The following OPCML variants were observed in gnomAD, a reference collection of about 807,000 sequenced individuals.
OPCML encodes the protein opioid binding protein/cell adhesion molecule like.
Under a neutral mutation model 37.8 loss-of-function variants are expected in OPCML, and 13 were observed. The observed-to-expected ratio is 0.34, with a 90% CI of 0.22 to 0.55. OPCML has a LOEUF of 0.55. OPCML is among the 20% of genes least tolerant of loss of function. The pLI, the probability that OPCML is intolerant of heterozygous loss-of-function variation, is 0.91. For missense variants in OPCML, 341 were observed against 435.6 expected (o/e 0.78, Z 1.93); for synonymous variants, 176 against 168.8 (o/e 1.04, Z -0.33).
At chr11:133,311,343 C>T (rs1429165863) in intron 1 of OPCML, among the ~76,000 whole-genome samples, 2 of 152,158 alleles carry the variant, frequency 1.3e-5, no homozygotes, top group African/African-American at 4.8e-5. Context: ...CACACTTATT[C>T]TTCTTGTTAT....
rs1170361268 is a variant in OPCML at position 132,436,939 on chromosome 11, A to AC, written c.644-161_644-160insG. 3.0e-6 allele frequency: 3 copies of AC among 983,706 alleles called. No homozygotes were observed. The African/African-American group carries it at 5.2e-5, about 17-fold the overall frequency. The allele number at this position is 983,706 out of a possible 1,614,324, so 60.9% of individuals were successfully genotyped here. A position where few individuals can be genotyped will look rare whatever the true frequency, so the allele number is the denominator to read the frequency against. On this transcript the variant is annotated intron_variant, in intron 5 of 7. Transcript: ENST00000524381. ...TAAAATAATCATTTATTTCAGGAAAAATAAGCTGCTTGAAGATACTGCATT... is the reference window on the plus strand; with the variant it reads ...TAAAATAATCATTTATTTCAGGAAAACATAAGCTGCTTGAAGATACTGCATT...
chr11:132,529,257 A>G, intron 3 of OPCML, 71 bp from the exon 4 acceptor site: 2 of 1,506,462 alleles, frequency 1.3e-6, no homozygotes, highest in Non-Finnish European at 1.8e-6. Flanking sequence ...GTTAGCCTAC[A>G]AATTTTTGTA....
At chr11:133,446,756 G>A (rs916854172) in intron 1 of OPCML, among the ~76,000 whole-genome samples, 2 of 152,080 alleles carry the variant, frequency 1.3e-5, no homozygotes, top group African/African-American at 2.4e-5. Context: ...CTATAGATTT[G>A]CCTTTTCTGG....
In OPCML at chr11:132,554,546, G is replaced by C. The variant is rs1489568176; in HGVS notation, c.380-25360C>G. Among the ~76,000 whole-genome samples the C allele has an allele frequency of 2.6e-5, 4 of 152,184 alleles. No homozygotes were observed. In the East Asian group the frequency reaches 5.8e-4, roughly 22 times the overall value. The stretch of plus-strand genomic sequence containing the variant: ...CCATGACTGGTCACAAAACAAGTTG[G>C]CCTGGATGAGCTTTGCTGAGGACAG... On this transcript the variant is annotated intron_variant, in intron 3 of 7. Coordinates refer to ENST00000524381, the MANE Select transcript of OPCML (RefSeq NM_001012393.5).
intron 1 of OPCML, among the ~76,000 whole-genome samples, chr11:133,499,880 T>A (rs1182538884): frequency 1.4e-3 from 196 of 141,614 alleles, no homozygotes; most frequent in African/African-American, 5.2e-3. Context: ...ATATATTTTT[T>A]TTTTTTTTTG....
intron 1 of OPCML, among the ~76,000 whole-genome samples, chr11:133,215,543 T>C (rs548251061): frequency 2.0e-5 from 3 of 152,332 alleles, no homozygotes; most frequent in African/African-American, 7.2e-5. Context: ...CTCTGCGACA[T>C]GTTTTTATAC....
Position 132,485,934 on chromosome 11 carries a change from A to G in OPCML, c.505+43127T>C, listed in dbSNP as rs542025447. 7.9e-5 allele frequency among the ~76,000 whole-genome samples: 12 copies of G among 152,298 alleles called. No homozygotes were observed. In the South Asian group the frequency reaches 2.5e-3, roughly 32 times the overall value. On this transcript the variant is annotated intron_variant, in intron 4 of 7. Transcript: ENST00000524381. The stretch of plus-strand genomic sequence containing the variant: ...GAGTGGAATTGCAGTGCCACAGTAT[A>G]GGTGTGTGGCTAGCCTCTGAAGAAA...
chr11:133,251,282 A>G (rs1018665907), intron 1 of OPCML, among the ~76,000 whole-genome samples: 1 of 152,082 alleles, frequency 6.6e-6, no homozygotes, highest in African/African-American at 2.4e-5. Flanking sequence ...TATAGAACAG[A>G]AAAAAAGGAT....
At chr11:133,176,652 T>C (rs139070756) in intron 1 of OPCML, among the ~76,000 whole-genome samples, 2 of 152,250 alleles carry the variant, frequency 1.3e-5, no homozygotes, top group Non-Finnish European at 2.9e-5. Context: ...CCACTTCACC[T>C]TCTGCTAAGA....
chr11:132,770,413 G>A (rs900596074), intron 2 of OPCML, among the ~76,000 whole-genome samples: 2 of 152,074 alleles, frequency 1.3e-5, no homozygotes, highest in African/African-American at 2.4e-5. Flanking sequence ...AGACACGGAG[G>A]GAGGGAAAAA....
intron 1 of OPCML, among the ~76,000 whole-genome samples, chr11:133,395,138 C>T (rs942113936): frequency 6.6e-6 from 1 of 152,118 alleles, no homozygotes; most frequent in African/African-American, 2.4e-5. Flanking sequence ...GGTTGAGCAC[C>T]TTTTCATATG....
chr11:132,769,161 T>C (rs1946555353), intron 2 of OPCML, among the ~76,000 whole-genome samples: 1 of 151,876 alleles, frequency 6.6e-6, no homozygotes, highest in South Asian at 2.1e-4. Flanking sequence ...TTGCCCATTG[T>C]GTTATTAGGG....
intron 1 of OPCML, among the ~76,000 whole-genome samples, chr11:133,262,190 A>G (rs1941516494): frequency 6.6e-6 from 1 of 152,142 alleles, no homozygotes; most frequent in African/African-American, 2.4e-5. Context: ...ATTATCTCAC[A>G]TATTTGACGT....
intron 2 of OPCML, among the ~76,000 whole-genome samples, chr11:132,775,478 C>G (rs2001903): frequency 2.0e-5 from 3 of 151,964 alleles, no homozygotes; most frequent in African/African-American, 7.3e-5. Context: ...AACACACACA[C>G]ACCAACTCAC....
chr11:132,916,409 T>C (rs1056175274), intron 2 of OPCML, among the ~76,000 whole-genome samples: 1 of 152,204 alleles, frequency 6.6e-6, no homozygotes. Flanking sequence ...GCAAGCCTTC[T>C]ACTGTGGATG....
chr11:133,014,882 T>A (rs1165609834), intron 1 of OPCML, among the ~76,000 whole-genome samples: 4 of 152,240 alleles, frequency 2.6e-5, no homozygotes, highest in Non-Finnish European at 2.9e-5. Context: ...CCGTATTTTC[T>A]ATTAAGAGAA....
chr11:133,345,248 T>A (rs1047375876), intron 1 of OPCML, among the ~76,000 whole-genome samples: 2 of 152,224 alleles, frequency 1.3e-5, no homozygotes, highest in African/African-American at 4.8e-5. Context: ...TATGGGAAAG[T>A]ATTCCCACTA....
chr11:132,468,442 G>A (rs1029041387), intron 4 of OPCML, among the ~76,000 whole-genome samples: 3 of 152,110 alleles, frequency 2.0e-5, no homozygotes, highest in Non-Finnish European at 4.4e-5. Context: ...GATTGTAGAG[G>A]TTTGTGATCT....
At chr11:133,118,354 G>A in intron 1 of OPCML, 4 of 985,380 alleles carry the variant, frequency 4.1e-6, no homozygotes, top group Non-Finnish European at 3.6e-6. Flanking sequence ...GGACATGCCG[G>A]TTGTTTAACG....
Sources: gnomAD v4.1 joint callset for allele counts (sites outside exome capture counted in the v4.1 genomes callset) on GRCh38, gnomAD v4.1.1 for gene constraint, MANE v1.5 for transcripts, NCBI Gene and HGNC (gene_info 2026-07-23, HGNC 2026-07-21) for gene names.